The following TP53I11 variants were observed in gnomAD, a reference collection of about 807,000 sequenced individuals.
TP53I11 encodes the protein tumor protein p53-inducible protein 11.
Under a neutral mutation model 23.3 loss-of-function variants are expected in TP53I11, and 9 were observed. That is an observed-to-expected ratio of 0.39 (90% CI 0.23 to 0.67). TP53I11 has a LOEUF of 0.67. TP53I11 is among the 30% of genes least tolerant of loss of function. The pLI is 0.48. For synonymous variants in TP53I11, 100 were observed against 106.1 expected (o/e 0.94, Z 0.35); for missense variants, 170 against 255.2 (o/e 0.67, Z 2.27).
intron 1 of TP53I11, among the ~76,000 whole-genome samples, chr11:44,948,859 T>C (rs531410466): frequency 1.3e-5 from 2 of 151,950 alleles, no homozygotes; most frequent in Non-Finnish European, 2.9e-5. Context: ...TCAAAAGAAA[T>C]TGGGAGGCTG....
chr11:44,940,716 G>A (rs930078980), intron 1 of TP53I11: 24 of 152,182 alleles, frequency 1.6e-4, no homozygotes, highest in African/African-American at 3.1e-4. Context: ...CTACAAACCC[G>A]CGTTTCTGTG....
At chr11:44,946,918 A>G (rs188994660) in intron 1 of TP53I11, 133 of 425,548 alleles carry the variant, frequency 3.1e-4, no homozygotes, top group African/African-American at 2.6e-3. Context: ...ACTGGCACAC[A>G]GGTCCTATCT....
intron 6 of TP53I11, 31 bp from the exon 7 acceptor site, chr11:44,935,048 G>C: frequency 1.2e-6 from 2 of 1,611,742 alleles, no homozygotes; most frequent in Non-Finnish European, 1.7e-6. Context: ...AGGCCACAGG[G>C]TCAGAGGAGG....
At chr11:44,949,090 G>A in intron 1 of TP53I11, among the ~76,000 whole-genome samples, 1 of 152,224 alleles carries the variant, frequency 6.6e-6, no homozygotes, top group Non-Finnish European at 1.5e-5. Flanking sequence ...GACAGAGGGG[G>A]CCTCAGGAAC....
intron 1 of TP53I11, among the ~76,000 whole-genome samples, chr11:44,939,998 AC>A (rs965232144): frequency 6.6e-5 from 10 of 152,278 alleles, no homozygotes; most frequent in African/African-American, 2.2e-4. Context: ...GGCCAACCCT[AC>A]CCTGCCAGGG....
rs1312213337 is a variant in TP53I11, at chr11:44,934,315, G to T, written c.*569C>A. The T allele has an allele frequency of 6.2e-6, 1 of 160,790 alleles. No individual in the cohort carries two copies. The allele number at this position is 160,790 out of a possible 1,614,324, so 10.0% of individuals were successfully genotyped here. On this transcript the variant is annotated 3_prime_UTR_variant, in exon 7 of 7. Transcript: ENST00000525680. ...TATGTGTGTCTGTGTGTGTGTTCAG[G>T]GGTGTGTATGTGTGTGTGTTGTGTG...
Position 44,937,715 on chromosome 11 carries a change from G to C in TP53I11, c.130-102C>G, listed in dbSNP as rs890106889. ...CCTGCACACCCAGGGACCAGCCTGG[G>C]CACCTCAGCTTGGCCAAAGGTTCCC... On this transcript the variant is annotated intron_variant, in intron 2 of 6. Transcript: ENST00000525680. 15 of 1,293,910 alleles carry C rather than the reference G, an allele frequency of 1.2e-5. 1 individual carries two copies. The Admixed American group carries it at 2.0e-4, about 18-fold the overall frequency. 80.2% of individuals were successfully genotyped at this position (1,293,910 alleles called of 1,614,324 possible).
At chr11:44,937,769 C>A (rs1440104837) in intron 2 of TP53I11, among the ~76,000 whole-genome samples, 156 bp from the exon 3 acceptor site, 2 of 152,142 alleles carry the variant, frequency 1.3e-5, no homozygotes, top group Non-Finnish European at 1.5e-5. Flanking sequence ...ATGAGGCCAC[C>A]CCCTCTCCTG....
chr11:44,947,217 G>A, intron 1 of TP53I11: 1 of 437,488 alleles, frequency 2.3e-6, no homozygotes, highest in Non-Finnish European at 4.6e-6. Flanking sequence ...TCATTCACAT[G>A]GGCAGAACAT....
intron 6 of TP53I11, among the ~76,000 whole-genome samples, chr11:44,935,304 C>T (rs1436136302): frequency 2.6e-5 from 4 of 152,076 alleles, no homozygotes; most frequent in East Asian, 1.9e-4. Flanking sequence ...GTGGGGGGGC[C>T]GCAGGTACAT....
rs752167672 is a variant in TP53I11, at chr11:44,938,263, G to A, written c.73C>T (p.Arg25Cys). The A allele has an allele frequency of 5.0e-6, 8 of 1,612,904 alleles. No homozygotes were observed. Among genetic ancestry groups the A allele is most frequent in the African/African-American group, 1.3e-5 (1 of 74,898 alleles). Residue 25 changes from arginine to cysteine, a missense_variant, in exon 2 of 7, where the codon CGC becomes TGC. Transcript: ENST00000525680. ...TCCCCGCCCACGCCGAGGATCTTGC[G>A]GGTCTTCAGGCGGCTCACGAGGTCC... Reference protein sequence around the residue: ...QTDLVSRLKTRKILGVGGEDD... With the variant: ...QTDLVSRLKTCKILGVGGEDD...
intron 1 of TP53I11, chr11:44,939,049 G>A (rs1861485451): frequency 7.6e-6 from 1 of 130,990 alleles, no homozygotes; most frequent in Admixed American, 8.0e-5. Context: ...GTCTGCCCAT[G>A]ATCCTCCCCA....
At chr11:44,937,249 A>G (rs1227135990) in intron 4 of TP53I11, 55 bp downstream of exon 4, 2 of 1,538,612 alleles carry the variant, frequency 1.3e-6, no homozygotes, top group Non-Finnish European at 1.8e-6. Context: ...GAGCCAGAGA[A>G]GGGCTGAGGG....
chr11:44,948,658 G>T (rs1862617517), intron 1 of TP53I11, among the ~76,000 whole-genome samples: 1 of 152,114 alleles, frequency 6.6e-6, no homozygotes, highest in African/African-American at 2.4e-5. Context: ...TCTCCCCAGT[G>T]CCTGAAACTG....
chr11:44,948,084 C>T lies in TP53I11; in HGVS notation c.-32+2593G>A, dbSNP rs568106665. ...CAAGGGTCACTTTGGGGCAGGAGGA[C>T]GATGCTGCGCTGGCCCTGGGAGGGG... is the stretch of plus-strand genomic sequence containing the variant. On this transcript the variant is annotated intron_variant, in intron 1 of 6. Transcript: ENST00000525680. 1.6e-4 allele frequency among the ~76,000 whole-genome samples: 24 copies of T among 152,166 alleles called. No homozygotes were observed. In the East Asian group the frequency reaches 3.3e-3, roughly 21 times the overall value.
chr11:44,936,529 T>C lies in TP53I11; in HGVS notation c.334+274A>G. The C allele has an allele frequency of 4.8e-6, 6 of 1,253,926 alleles. No individual in the cohort carries two copies. The highest frequency in any genetic ancestry group is 4.0e-6 in the Non-Finnish European group (4 of 999,848). 77.7% of individuals were successfully genotyped at this position (1,253,926 alleles called of 1,614,324 possible). A position where few individuals can be genotyped will look rare whatever the true frequency, so the allele number is the denominator to read the frequency against. ...TGGGCCTGGGCTTCCTCCATCTCTG[T>C]ACCACAACGCCCAGAGGCAGTGCAC... On this transcript the variant is annotated intron_variant, in intron 5 of 6. Coordinates refer to ENST00000525680, the MANE Select transcript of TP53I11 (RefSeq NM_006034.5). This position sits in a 1 kb window ranked among gnomAD's most constrained non-coding sequence, Gnocchi z 4.4.
chr11:44,941,261 T>C (rs981929809), intron 1 of TP53I11, among the ~76,000 whole-genome samples: 2 of 152,182 alleles, frequency 1.3e-5, no homozygotes, highest in Admixed American at 1.3e-4. Context: ...TGCTAGCCAC[T>C]GATTAGAGCA....
In TP53I11 at chr11:44,932,374, A is replaced by C. The variant is rs1386712358; in HGVS notation, c.*2510T>G. The C allele has an allele frequency of 6.6e-6, 1 of 152,254 alleles. No homozygotes were observed. The highest frequency in any genetic ancestry group is 1.5e-5 in the Non-Finnish European group (1 of 68,056). 9.4% of individuals were successfully genotyped at this position (152,254 alleles called of 1,614,324 possible). A position where few individuals can be genotyped will look rare whatever the true frequency, so the allele number is the denominator to read the frequency against. Reference sequence around the variant, plus strand: ...GATGGTTTTGCACTGGTTTTTGTGAATGTTTCTTACAAAAAGAAAAAGGAA... The same window carrying C: ...GATGGTTTTGCACTGGTTTTTGTGACTGTTTCTTACAAAAAGAAAAAGGAA... On this transcript the variant is annotated 3_prime_UTR_variant, in exon 7 of 7. Coordinates refer to ENST00000525680, the MANE Select transcript of TP53I11 (RefSeq NM_006034.5).
At chr11:44,944,618 T>C (rs573230335) in intron 1 of TP53I11, among the ~76,000 whole-genome samples, 4 of 152,088 alleles carry the variant, frequency 2.6e-5, no homozygotes, top group African/African-American at 7.2e-5. Flanking sequence ...TTTGTAACGA[T>C]TGGGAAAACT....
Sources: gnomAD v4.1 joint callset for allele counts (sites outside exome capture counted in the v4.1 genomes callset) on GRCh38, gnomAD v4.1.1 for gene constraint, Gnocchi (gnomAD v3.1) non-coding constraint, MANE v1.5 for transcripts, NCBI Gene and HGNC (gene_info 2026-07-23, HGNC 2026-07-21) for gene names.